Variants in ZRANB2 observed in about 807,000 individuals in gnomAD.
ZRANB2 encodes zinc finger Ran-binding domain-containing protein 2.
A neutral mutation model predicts 53.4 loss-of-function variants in ZRANB2; 19 were observed. The ratio of observed to expected loss-of-function variants is 0.36; its 90% CI spans 0.25 to 0.52. ZRANB2 has a LOEUF of 0.52. Ranked by LOEUF, ZRANB2 falls within the 20% of genes least tolerant of loss-of-function variation. The pLI, the probability that ZRANB2 is intolerant of heterozygous loss-of-function variation, is 0.93. For synonymous variants in ZRANB2, 145 were observed against 134.8 expected, an observed-to-expected ratio of 1.08 and a Z score of -0.52; for missense variants, 309 against 401.1, an observed-to-expected ratio of 0.77 and a Z score of 1.96.
Position 71,064,979 on chromosome 1 carries a change from AG to A in ZRANB2, c.*94del. On this transcript the variant is annotated 3_prime_UTR_variant, in exon 10 of 10. Transcript: ENST00000370920. ...ATGAAAGGCATGCACCTCTACTAGC[AG>A]ATTTAGCACTTCTGACCAAGTAAGA... is the stretch of plus-strand genomic sequence containing the variant. 1.3e-6 allele frequency: 1 copy of A among 743,948 alleles called. No homozygotes were observed. Among genetic ancestry groups the A allele is most frequent in the Non-Finnish European group, 2.2e-6 (1 of 447,968 alleles). The allele number at this position is 743,948 out of a possible 1,614,324, so 46.1% of individuals were successfully genotyped here. A position where few individuals can be genotyped will look rare whatever the true frequency, so the allele number is the denominator to read the frequency against.
At chr1:71,074,329 C>T (rs1368332273) in intron 4 of ZRANB2, among the ~76,000 whole-genome samples, 1 of 152,040 alleles carries the variant, frequency 6.6e-6, no homozygotes, top group Non-Finnish European at 1.5e-5. Flanking sequence ...CAAGAATTTC[C>T]GTAGATTTTA....
chr1:71,081,019 C>A lies in ZRANB2; in HGVS notation c.-24G>T. ...ATCTTGAACGCCACCAGCACAGCCA[C>A]CCGCAGCTATGTCTTCACAGGAGGA... On this transcript the variant is annotated 5_prime_UTR_variant, in exon 1 of 10. Transcript: ENST00000370920. 3.1e-6 allele frequency: 5 copies of A among 1,614,126 alleles called. No homozygotes were observed. Among genetic ancestry groups the A allele is most frequent in the East Asian group, 2.2e-5 (1 of 44,850 alleles).
At chr1:71,078,240 T>C (rs1557795008) in intron 3 of ZRANB2, among the ~76,000 whole-genome samples, 1 of 152,218 alleles carries the variant, frequency 6.6e-6, no homozygotes, top group Non-Finnish European at 1.5e-5. Flanking sequence ...CTGGTATACA[T>C]AATCCATCAT....
rs983208484 is a variant in ZRANB2 at position 71,070,978 on chromosome 1, C to T, written c.532G>A (p.Ala178Thr). 1.9e-6 allele frequency: 3 copies of T among 1,587,424 alleles called. No homozygotes were observed. The highest frequency in any genetic ancestry group is 2.6e-6 in the Non-Finnish European group (3 of 1,168,378). The part of the protein sequence containing the change: ...KLDEDEDEDD[A>T]DLSKYNLDAS... ...TCAAGATTATATTTTGAGAGATCAG[C>T]GTCATCTTCATCCTCATCCTAACAA... Residue 178 changes from alanine (A) to threonine (T), a missense_variant, in exon 7 of 10, where the codon GCT (alanine) becomes ACT (threonine). By Grantham distance (58) the Ala-to-Thr change is moderately conservative. Transcript: ENST00000370920.
At chr1:71,077,007 T>C (rs1176805406) in intron 3 of ZRANB2, 130 bp from the exon 4 acceptor site, 9 of 712,978 alleles carry the variant, frequency 1.3e-5, no homozygotes, top group Middle Eastern at 3.9e-4. Flanking sequence ...TAAGTGGTAA[T>C]GTAAACAAAG....
chr1:71,066,528 T>C (rs542459102), intron 9 of ZRANB2: 6 of 340,100 alleles, frequency 1.8e-5, no homozygotes, highest in African/African-American at 1.1e-4. Flanking sequence ...GAGTTGGCTA[T>C]AAAAATTATA....
In ZRANB2 at chr1:71,078,531, CCCAGCTTT is replaced by C; in HGVS notation, c.136_143del (p.Lys46GlyfsTer3). ...CAAGTGTCTTTCCTATTTCAGTGCC[CCCAGCTTT>C]CATCATCTTGGCCTCAGTTGTTTTC... On this transcript the variant is annotated frameshift_variant, in exon 3 of 10. Coordinates refer to ENST00000370920, the MANE Select transcript of ZRANB2 (RefSeq NM_203350.3). LOFTEE classifies it high-confidence loss of function. 1 of 1,613,984 alleles carries C rather than the reference CCCAGCTTT, an allele frequency of 6.2e-7. No individual in the cohort carries two copies. Among genetic ancestry groups the C allele is most frequent in the Non-Finnish European group, 8.5e-7 (1 of 1,179,974 alleles).
intron 4 of ZRANB2, among the ~76,000 whole-genome samples, chr1:71,076,350 A>G (rs1480258343): frequency 1.3e-5 from 2 of 152,210 alleles, no homozygotes; most frequent in African/African-American, 2.4e-5. Flanking sequence ...TTTGCAATCG[A>G]TATTTGAAAA....
chr1:71,077,953 A>C (rs1196948976), intron 3 of ZRANB2, among the ~76,000 whole-genome samples: 1 of 152,216 alleles, frequency 6.6e-6, no homozygotes, highest in Non-Finnish European at 1.5e-5. Context: ...GCATAGAGAA[A>C]AGATGGAAGT....
At chr1:71,067,916 C>T (rs1278201993) in intron 8 of ZRANB2, among the ~76,000 whole-genome samples, 2 of 144,478 alleles carry the variant, frequency 1.4e-5, no homozygotes, top group Admixed American at 7.1e-5. Context: ...TTGCTCTGTT[C>T]CCCAGGCTGT....
intron 6 of ZRANB2, among the ~76,000 whole-genome samples, chr1:71,071,897 C>T (rs989930183): frequency 2.0e-5 from 3 of 152,162 alleles, no homozygotes; most frequent in African/African-American, 4.8e-5. Context: ...TCCTCTAGAA[C>T]TGTGTAAGAG....
At position 71,066,945 on chromosome 1, in the gene ZRANB2, T is replaced by C. The variant is rs1397576481; in HGVS notation, c.771-11A>G. 6.5e-7 allele frequency: 1 copy of C among 1,549,622 alleles called. No individual in the cohort carries two copies. Among genetic ancestry groups the C allele is most frequent in the East Asian group, 2.3e-5 (1 of 42,898 alleles). ...GACCTGGAGCTGGATCTTCATTGAT[T>C]GAGAAACAAATCAAACATTTCATTA... On this transcript the variant is annotated splice_polypyrimidine_tract_variant and intron_variant, in intron 8 of 9. Transcript: ENST00000370920.
chr1:71,068,705 C>G (rs1661519953), intron 8 of ZRANB2, among the ~76,000 whole-genome samples: 1 of 151,950 alleles, frequency 6.6e-6, no homozygotes, highest in South Asian at 2.1e-4. Flanking sequence ...AAAACAGGAC[C>G]TGTTTTGAGG....
intron 1 of ZRANB2, among the ~76,000 whole-genome samples, chr1:71,079,228 G>C (rs931852712): frequency 6.6e-6 from 1 of 151,998 alleles, no homozygotes; most frequent in Non-Finnish European, 1.5e-5. Context: ...TTCAATAATT[G>C]TAAGAAAACT....
At chr1:71,069,425 C>A in intron 7 of ZRANB2, 63 bp from the exon 8 acceptor site, 1 of 1,238,230 alleles carries the variant, frequency 8.1e-7, no homozygotes, top group South Asian at 1.2e-5. Context: ...GTGATATGAA[C>A]ACTGAAAGAA....
Position 71,066,969 on chromosome 1 carries a change from TA to T in ZRANB2, c.771-36del, listed in dbSNP as rs1368238692. 2.6e-6 allele frequency: 4 copies of T among 1,534,038 alleles called. No individual in the cohort carries two copies. The African/African-American group carries it at 5.6e-5, about 22-fold the overall frequency. ...TTGAGAAACAAATCAAACATTTCAT[TA>T]AAAGAAGAAATAAGGAAGATTATTT... On this transcript the variant is annotated intron_variant, in intron 8 of 9. Transcript: ENST00000370920.
chr1:71,073,685 T>A (rs1187893943), intron 4 of ZRANB2, among the ~76,000 whole-genome samples: 1 of 151,912 alleles, frequency 6.6e-6, no homozygotes. Flanking sequence ...AGGAAAAAAC[T>A]GAAAAGTAAT....
Position 71,070,962 on chromosome 1 carries a change from T to C in ZRANB2, c.548A>G (p.Tyr183Cys). ...EDEDDADLSK[Y>C]NLDASEEEDS... Reference sequence around the variant, plus strand: ...TTCTTCTTCACTGGCATCAAGATTATATTTTGAGAGATCAGCGTCATCTTC... The same window carrying C: ...TTCTTCTTCACTGGCATCAAGATTACATTTTGAGAGATCAGCGTCATCTTC... Residue 183 changes from tyrosine to cysteine, a missense_variant, in exon 7 of 10, where the codon TAT becomes TGT. Physicochemically the swap from Tyr to Cys is radical, Grantham distance 194. Transcript: ENST00000370920. 6.2e-7 allele frequency: 1 copy of C among 1,604,924 alleles called. No individual in the cohort carries two copies. Among genetic ancestry groups the C allele is most frequent in the Non-Finnish European group, 8.5e-7 (1 of 1,176,398 alleles).
At chr1:71,074,130 T>C (rs890742317) in intron 4 of ZRANB2, among the ~76,000 whole-genome samples, 2 of 152,296 alleles carry the variant, frequency 1.3e-5, no homozygotes, top group African/African-American at 2.4e-5. Flanking sequence ...TTTCACTTCT[T>C]AGCTTAAGCA....
Sources: gnomAD v4.1 joint callset for allele counts (sites outside exome capture counted in the v4.1 genomes callset) on GRCh38, gnomAD v4.1.1 for gene constraint, MANE v1.5 for transcripts, NCBI Gene and HGNC (gene_info 2026-07-23, HGNC 2026-07-21) for gene names.